Variants in ASNS observed in about 807,000 individuals in gnomAD.
ASNS encodes the protein asparagine synthetase [glutamine-hydrolyzing].
Under a neutral mutation model 62.6 loss-of-function variants are expected in ASNS, and 37 were observed. That is an observed-to-expected ratio of 0.59 (90% CI 0.45 to 0.78). The LOEUF is 0.78. ASNS is among the 30% of genes least tolerant of loss of function. The pLI is 0.00. For synonymous variants in ASNS, 207 were observed against 237.9 expected (o/e 0.87, Z 1.19); for missense variants, 520 against 682.4 (o/e 0.76, Z 2.65).
the ASNS span, among the ~76,000 whole-genome samples, chr7:97,909,202 A>AGCATTG: frequency 8.3e-4 from 126 of 152,004 alleles, no homozygotes; most frequent in Non-Finnish European, 9.1e-4. Context: ...TTCTTCCTCC[A>AGCATTG]GCATTGGTAT....
chr7:97,873,887 G>T (rs1792380347), upstream of ASNS, among the ~76,000 whole-genome samples: 1 of 152,160 alleles, frequency 6.6e-6, no homozygotes, highest in South Asian at 2.1e-4. Context: ...CTCTTTCAGG[G>T]AGAGTGTGCA....
the ASNS span, among the ~76,000 whole-genome samples, chr7:97,895,753 C>T: frequency 2.6e-4 from 39 of 152,024 alleles, no homozygotes; most frequent in East Asian, 2.9e-3. Context: ...ATTGCACTAC[C>T]GCACTCCAGC....
At chr7:97,920,873 CTTT>C in the ASNS span, among the ~76,000 whole-genome samples, 1 of 152,214 alleles carries the variant, frequency 6.6e-6, no homozygotes, top group African/African-American at 2.4e-5. Flanking sequence ...AGAAACCATT[CTTT>C]TTTCTCCCTT....
the ASNS span, among the ~76,000 whole-genome samples, chr7:97,894,050 A>T: frequency 6.6e-6 from 1 of 152,252 alleles, no homozygotes; most frequent in African/African-American, 2.4e-5. Context: ...ATGGAATAAA[A>T]CTTGAAATCA....
intron 4 of ASNS, among the ~76,000 whole-genome samples, chr7:97,860,761 G>C (rs1186454113): frequency 6.6e-6 from 1 of 152,198 alleles, no homozygotes; most frequent in Non-Finnish European, 1.5e-5. Flanking sequence ...CCATCAAAAA[G>C]TGCTATGCAT....
chr7:97,922,065 T>A, the ASNS span, among the ~76,000 whole-genome samples: 2 of 151,990 alleles, frequency 1.3e-5, no homozygotes, highest in Non-Finnish European at 2.9e-5. Flanking sequence ...ATATGTGAAA[T>A]CTAAAAAAGT....
At chr7:97,869,241 T>A (rs1792134622) in intron 2 of ASNS, 62 bp from the exon 3 acceptor site, 3 of 1,540,464 alleles carry the variant, frequency 1.9e-6, no homozygotes, top group Non-Finnish European at 2.6e-6. Flanking sequence ...CTGCATTAAA[T>A]CTTGATTCCG....
chr7:97,872,801 GATCT>G (rs1562826485), upstream of ASNS, among the ~76,000 whole-genome samples: 1 of 152,220 alleles, frequency 6.6e-6, no homozygotes. Context: ...GTCCTTATAA[GATCT>G]ATTAATAAAT....
chr7:97,900,359 T>TCAAAAAAAAAAAAAA, the ASNS span, among the ~76,000 whole-genome samples: 1 of 58,360 alleles, frequency 1.7e-5, no homozygotes, highest in African/African-American at 1.3e-4. Flanking sequence ...AGACTTTGTC[T>TCAAAAAAAAAAAAAA]CAAAAAAAAA....
the ASNS span, among the ~76,000 whole-genome samples, chr7:97,878,371 T>A: frequency 6.6e-6 from 1 of 152,090 alleles, no homozygotes; most frequent in Non-Finnish European, 1.5e-5. Flanking sequence ...TCGTGATCGA[T>A]TGACCAAGAA....
At chr7:97,872,442 C>T (rs1792332493), upstream of ASNS, 1 of 152,586 alleles carries the variant, frequency 6.6e-6, no homozygotes, top group Non-Finnish European at 1.5e-5. Flanking sequence ...CTTATACCGA[C>T]CTGGCTCCTG....
At chr7:97,861,023 C>CTT (rs71108240) in intron 4 of ASNS, among the ~76,000 whole-genome samples, 36,051 of 120,286 alleles carry the variant, frequency 0.3, 6,392 homozygotes, top group East Asian at 0.44. Context: ...TCATTTGATC[C>CTT]TTTTTTTTTT....
the ASNS span, among the ~76,000 whole-genome samples, chr7:97,892,812 G>C: frequency 2.0e-5 from 3 of 152,126 alleles, no homozygotes; most frequent in Non-Finnish European, 4.4e-5. Flanking sequence ...TCAGCATTTT[G>C]GGCAAGTCTC....
the ASNS span, among the ~76,000 whole-genome samples, chr7:97,912,711 T>C: frequency 6.6e-6 from 1 of 151,434 alleles, no homozygotes; most frequent in African/African-American, 2.4e-5. Context: ...GCCTCCTGAG[T>C]AGCTGGGACT....
At chr7:97,924,661 G>A in the ASNS span, among the ~76,000 whole-genome samples, 12,321 of 152,262 alleles carry the variant, frequency 0.081, 688 homozygotes, top group Non-Finnish European at 0.12. Context: ...CCAGGGGGAT[G>A]TGGTGGGGAA....
chr7:97,862,881 A>G (rs1296028354), intron 4 of ASNS, among the ~76,000 whole-genome samples: 1 of 152,254 alleles, frequency 6.6e-6, no homozygotes, highest in Non-Finnish European at 1.5e-5. Flanking sequence ...ACAAATGGCC[A>G]ATAAGCATAA....
chr7:97,927,048 C>A, the ASNS span, among the ~76,000 whole-genome samples: 1 of 138,162 alleles, frequency 7.2e-6, no homozygotes, highest in African/African-American at 2.7e-5. Flanking sequence ...CTTGGGACTA[C>A]AGGCACACAC....
At chr7:97,861,936 C>T (rs1791742881) in intron 4 of ASNS, among the ~76,000 whole-genome samples, 1 of 152,106 alleles carries the variant, frequency 6.6e-6, no homozygotes, top group African/African-American at 2.4e-5. Context: ...AATGAAGTTG[C>T]TTTCTTAATT....
chr7:97,887,177 G>A, the ASNS span, among the ~76,000 whole-genome samples: 8 of 152,286 alleles, frequency 5.3e-5, no homozygotes, highest in Middle Eastern at 3.4e-3. Context: ...CCTTGGGGAC[G>A]CAGGATAAAG....
Sources: gnomAD v4.1 joint callset for allele counts (sites outside exome capture counted in the v4.1 genomes callset) on GRCh38, gnomAD v4.1.1 for gene constraint, MANE v1.5 for transcripts, NCBI Gene and HGNC (gene_info 2026-07-23, HGNC 2026-07-21) for gene names.